LINGO2: variants seen among roughly 807,000 people sequenced by gnomAD.
LINGO2 encodes the protein leucine-rich repeat and immunoglobulin-like domain-containing nogo receptor-interacting protein 2.
LINGO2 carries 14 observed loss-of-function variants against 30.6 expected under a neutral mutation model. The observed-to-expected ratio is 0.46, with a 90% CI of 0.30 to 0.72. LINGO2 has a LOEUF of 0.72. Among genes scored for constraint, LINGO2 ranks in the 30% least tolerant of loss-of-function variants. LINGO2 has a pLI of 0.07. For missense variants in LINGO2, 729 were observed against 751.7 expected (o/e 0.97, Z 0.35); for synonymous variants, 317 against 288.5 (o/e 1.10, Z -1.00).
chr9:28,916,115 A>T, the LINGO2 span, among the ~76,000 whole-genome samples: 3 of 152,304 alleles, frequency 2.0e-5, 1 homozygote, highest in South Asian at 4.1e-4. Flanking sequence ...GAATTCAGGC[A>T]TGATTGACCA....
chr9:28,175,662 C>A (rs2133684633), intron 4 of LINGO2, among the ~76,000 whole-genome samples: 1 of 152,272 alleles, frequency 6.6e-6, no homozygotes, highest in Non-Finnish European at 1.5e-5. Flanking sequence ...AACAGTCTCA[C>A]TGGGACCCTA....
At chr9:28,942,694 GTT>G in the LINGO2 span, among the ~76,000 whole-genome samples, 1 of 152,126 alleles carries the variant, frequency 6.6e-6, no homozygotes, top group Non-Finnish European at 1.5e-5. Flanking sequence ...TTAGAATGAA[GTT>G]TTATGCTATT....
chr9:28,638,691 C>T (rs554571557), intron 1 of LINGO2, among the ~76,000 whole-genome samples: 1 of 152,062 alleles, frequency 6.6e-6, no homozygotes, highest in South Asian at 2.1e-4. Flanking sequence ...CTTATTGCAT[C>T]TATTTGATCC....
chr9:27,940,455 G>A, the LINGO2 span: 12 of 152,254 alleles, frequency 7.9e-5, no homozygotes, highest in African/African-American at 2.2e-4. Flanking sequence ...AGAAATAGTA[G>A]GTAAATTTCC....
intron 4 of LINGO2, among the ~76,000 whole-genome samples, chr9:28,195,803 G>T (rs931062222): frequency 1.3e-5 from 2 of 151,300 alleles, no homozygotes; most frequent in Non-Finnish European, 3.0e-5. Flanking sequence ...AGAAAACTCT[G>T]TTTAAATGTC....
chr9:28,568,318 C>T (rs549715954), intron 1 of LINGO2, among the ~76,000 whole-genome samples: 1 of 152,048 alleles, frequency 6.6e-6, no homozygotes, highest in African/African-American at 2.4e-5. Context: ...ACACGGGGGT[C>T]TACTTGTGGG....
rs142086372 is a variant in LINGO2, at chr9:28,645,546, G to C, written c.-365+24654C>G. On this transcript the variant is annotated intron_variant, in intron 1 of 5. Transcript: ENST00000379992. ...TTTTATTGTGACTGAAATCATTGTTGTCTAATAGTTCAAAATCAATGAGAA... is the reference window on the plus strand; with the variant it reads ...TTTTATTGTGACTGAAATCATTGTTCTCTAATAGTTCAAAATCAATGAGAA... 4.1e-3 allele frequency among the ~76,000 whole-genome samples: 619 copies of C among 152,120 alleles called. 4 individuals carry two copies. Among genetic ancestry groups the C allele is most frequent in the African/African-American group, 0.014 (595 of 41,508 alleles).
At chr9:28,996,272 A>T in the LINGO2 span, among the ~76,000 whole-genome samples, 1 of 152,190 alleles carries the variant, frequency 6.6e-6, no homozygotes, top group African/African-American at 2.4e-5. Context: ...CTTAACTAGC[A>T]CAATTATACT....
At chr9:29,015,859 T>C in the LINGO2 span, among the ~76,000 whole-genome samples, 1 of 152,160 alleles carries the variant, frequency 6.6e-6, no homozygotes, top group Admixed American at 6.6e-5. Context: ...CTCTACTCAG[T>C]CTAGAATCTT....
intron 2 of LINGO2, among the ~76,000 whole-genome samples, chr9:28,397,843 G>T (rs796451420): frequency 6.6e-6 from 1 of 151,980 alleles, no homozygotes; most frequent in East Asian, 1.9e-4. Context: ...CACCATACCC[G>T]GCCAATAGAT....
chr9:28,588,177 T>G (rs950509739), intron 1 of LINGO2, among the ~76,000 whole-genome samples: 1 of 152,066 alleles, frequency 6.6e-6, no homozygotes, highest in Non-Finnish European at 1.5e-5. Context: ...GGCAGCCCAT[T>G]CCCCCTCTGT....
chr9:28,537,039 G>T (rs1821465884), intron 1 of LINGO2, among the ~76,000 whole-genome samples: 1 of 151,968 alleles, frequency 6.6e-6, no homozygotes, highest in Non-Finnish European at 1.5e-5. Context: ...ATAAACATAG[G>T]CATGCACACA....
At chr9:28,980,341 G>A in the LINGO2 span, among the ~76,000 whole-genome samples, 1 of 152,014 alleles carries the variant, frequency 6.6e-6, no homozygotes, top group Non-Finnish European at 1.5e-5. Context: ...AGTAGCCAGA[G>A]TAATTTTTTC....
chr9:28,937,687 A>G, the LINGO2 span, among the ~76,000 whole-genome samples: 5 of 152,034 alleles, frequency 3.3e-5, no homozygotes, highest in African/African-American at 1.2e-4. Context: ...TACCCCTGAA[A>G]CCAGGAAGGA....
At chr9:28,766,789 GGA>G in the LINGO2 span, among the ~76,000 whole-genome samples, 1 of 144,956 alleles carries the variant, frequency 6.9e-6, no homozygotes, top group Non-Finnish European at 1.5e-5. Flanking sequence ...AGAGAGAGAG[GGA>G]GAGAGAGAGA....
At chr9:28,796,511 G>A in the LINGO2 span, among the ~76,000 whole-genome samples, 1 of 152,096 alleles carries the variant, frequency 6.6e-6, no homozygotes, top group Admixed American at 6.5e-5. Flanking sequence ...ATAATTTTAT[G>A]ACGAAAATTA....
the LINGO2 span, among the ~76,000 whole-genome samples, chr9:28,685,462 T>C: frequency 6.6e-6 from 1 of 152,206 alleles, no homozygotes; most frequent in African/African-American, 2.4e-5. Context: ...AAATTTCTGC[T>C]TTTATAATAA....
At chr9:28,257,386 C>T (rs1372920940) in intron 4 of LINGO2, among the ~76,000 whole-genome samples, 2 of 151,762 alleles carry the variant, frequency 1.3e-5, no homozygotes, top group African/African-American at 4.8e-5. Flanking sequence ...GAAGACCATT[C>T]CAGTCCGCAG....
chr9:28,559,269 C>A (rs1302554690), intron 1 of LINGO2, among the ~76,000 whole-genome samples: 1 of 152,102 alleles, frequency 6.6e-6, no homozygotes, highest in Non-Finnish European at 1.5e-5. Flanking sequence ...GGGTCAAAGT[C>A]AACACCTTTT....
Sources: allele counts gnomAD v4.1 joint callset (sites outside exome capture counted in the v4.1 genomes callset), GRCh38; gene constraint gnomAD v4.1.1; transcripts MANE v1.5; gene names NCBI Gene and HGNC (gene_info 2026-07-23, HGNC 2026-07-21).